The following PDE6B variants were observed in gnomAD, a reference collection of about 807,000 sequenced individuals.
PDE6B encodes the protein rod cGMP-specific 3',5'-cyclic phosphodiesterase subunit beta.
PDE6B carries 106 observed loss-of-function variants against 109.0 expected under a neutral mutation model. The ratio of observed to expected loss-of-function variants is 0.97; its 90% CI spans 0.83 to 1.14. PDE6B has a LOEUF of 1.14. Among genes scored for constraint, PDE6B ranks in the 50% most tolerant of loss-of-function variants. PDE6B has a pLI of 0.00. For missense variants in PDE6B, 1,193 were observed against 1,155.6 expected, an observed-to-expected ratio of 1.03 and a Z score of -0.47; for synonymous variants, 490 against 471.3, an observed-to-expected ratio of 1.04 and a Z score of -0.51.
intron 3 of PDE6B, among the ~76,000 whole-genome samples, chr4:642,614 C>T (rs940150385): frequency 1.3e-5 from 2 of 150,830 alleles, no homozygotes; most frequent in Admixed American, 6.6e-5. Context: ...GGCAACATGG[C>T]GAAACACCAT....
chr4:657,565 G>T, intron 10 of PDE6B, 71 bp downstream of exon 10: 1 of 1,503,808 alleles, frequency 6.6e-7, no homozygotes, highest in East Asian at 2.3e-5. Context: ...GTCGTCCAGG[G>T]GTCACCCAGG....
chr4:654,086 T>G lies in PDE6B; in HGVS notation c.859T>G (p.Phe287Val), dbSNP rs1262918922. The change falls in exon 5 of 22, where the codon TTT becomes GTT. Residue 287 changes from phenylalanine (F) to valine (V), a missense_variant. Phe to Val is a conservative substitution (Grantham distance 50). Transcript: ENST00000496514. ...LLDMTKEKEF[F>V]DVWSVLMGES... ...TCACCTCTTCTCTGCCCAGGAATTT[T>G]TTGACGTGTGGTCTGTGCTGATGGG... 6.2e-7 allele frequency: 1 copy of G among 1,613,822 alleles called. No individual in the cohort carries two copies. Among genetic ancestry groups the G allele is most frequent in the Non-Finnish European group, 8.5e-7 (1 of 1,180,042 alleles).
chr4:631,119 A>T (rs989780772), intron 1 of PDE6B, among the ~76,000 whole-genome samples: 3 of 152,244 alleles, frequency 2.0e-5, no homozygotes, highest in Admixed American at 6.5e-5. Flanking sequence ...CTTAAATCCC[A>T]GGATGGGGAG....
chr4:645,123 C>G (rs1044163214), intron 3 of PDE6B, among the ~76,000 whole-genome samples: 1 of 151,982 alleles, frequency 6.6e-6, no homozygotes, highest in Non-Finnish European at 1.5e-5. Flanking sequence ...ACCCCAGTGT[C>G]TTTGGATTAT....
chr4:670,521 C>T lies in PDE6B; in HGVS notation c.*414C>T, dbSNP rs111404897. 1,347 of 226,098 alleles carry T rather than the reference C, an allele frequency of 6.0e-3. 27 individuals are homozygous for T. The highest frequency in any genetic ancestry group is 0.03 in the African/African-American group (1,284 of 42,794). 14.0% of individuals were successfully genotyped at this position (226,098 alleles called of 1,614,324 possible). On this transcript the variant is annotated 3_prime_UTR_variant, in exon 22 of 22. Coordinates refer to ENST00000496514, the MANE Select transcript of PDE6B (RefSeq NM_000283.4). ...CTTCCTGAAGTGCTGGGATTACAGG[C>T]ATGAGCCACCACGCCCAGCCTGTTT...
rs989737372 is a variant in PDE6B, at chr4:665,828, C to T, written c.2268+499C>T. Among the ~76,000 whole-genome samples the T allele has an allele frequency of 3.9e-5, 6 of 152,196 alleles. No individual in the cohort carries two copies. Among genetic ancestry groups the T allele is most frequent in the Non-Finnish European group, 5.9e-5 (4 of 68,020 alleles). On this transcript the variant is annotated intron_variant, in intron 19 of 21. Transcript: ENST00000496514. This position sits in a 1 kb window ranked among gnomAD's most constrained non-coding sequence, Gnocchi z 4.0. The stretch of plus-strand genomic sequence containing the variant: ...GGCGCCAGGAACAGGAGAGGCAGGG[C>T]TGCCCCAGCCCCACGTGGACCAGGT...
rs1299826925 is a variant in PDE6B, at chr4:656,884, T to A, written c.1118T>A (p.Leu373Gln). The A allele has an allele frequency of 6.2e-7, 1 of 1,612,840 alleles. No homozygotes were observed. Among genetic ancestry groups the A allele is most frequent in the Non-Finnish European group, 8.5e-7 (1 of 1,179,974 alleles). ...ACACCGCTCCCGCAGGAAGGGGCCC[T>A]GGACGACTCCGGGTGGCTCATCAAG... ...DEMFKFQEGA[L>Q]DDSGWLIKNV... Residue 373 changes from leucine (L) to glutamine (Q), a missense_variant, in exon 9 of 22, where the codon CTG becomes CAG. Leu to Gln is a moderately radical substitution (Grantham distance 113, BLOSUM62 -2). Transcript: ENST00000496514.
At chr4:659,164 A>C in intron 11 of PDE6B, 147 bp downstream of exon 11, 1 of 704,722 alleles carries the variant, frequency 1.4e-6, no homozygotes, top group Non-Finnish European at 2.6e-6. Context: ...TGTGTATCTA[A>C]GCACCTTAGT....
rs1050898833 is a variant in PDE6B at position 666,677 on chromosome 4, C to T, written c.2352+63C>T. ...GGGTGGCTGGGAGCAGGCAAGGGGGCGCGGGCTGGAGTCGCGTGGACTCAC... is the reference window on the plus strand; with the variant it reads ...GGGTGGCTGGGAGCAGGCAAGGGGGTGCGGGCTGGAGTCGCGTGGACTCAC... On this transcript the variant is annotated intron_variant, in intron 20 of 21. Coordinates refer to ENST00000496514, the MANE Select transcript of PDE6B (RefSeq NM_000283.4). The surrounding 1 kb of genome is among the most constrained non-coding windows in gnomAD (Gnocchi z 5.6). 21 of 1,135,530 alleles carry T rather than the reference C, an allele frequency of 1.8e-5. No homozygotes were observed. The East Asian group carries it at 2.6e-4, about 14-fold the overall frequency. The allele number at this position is 1,135,530 out of a possible 1,614,324, so 70.3% of individuals were successfully genotyped here.
intron 3 of PDE6B, among the ~76,000 whole-genome samples, chr4:639,881 G>T (rs544945991): frequency 6.6e-6 from 1 of 152,160 alleles, no homozygotes; most frequent in Non-Finnish European, 1.5e-5. Flanking sequence ...TGAGGCAGGA[G>T]AATCGCTTGA....
intron 2 of PDE6B, among the ~76,000 whole-genome samples, chr4:635,341 ACCTG>A (rs1250629795): frequency 4.0e-5 from 3 of 74,828 alleles, no homozygotes; most frequent in East Asian, 4.3e-4. Context: ...CCACCTCCTT[ACCTG>A]CCTGCCTGCC....
Position 626,094 on chromosome 4 carries a change from G to C in PDE6B, c.468G>C (p.Glu156Asp), listed in dbSNP as rs1245162728. The C allele has an allele frequency of 1.3e-6, 2 of 1,562,656 alleles. No individual in the cohort carries two copies. The highest frequency in any genetic ancestry group is 1.4e-5 in the African/African-American group (1 of 74,040). ...TGGTGAACGTCGAGGACGTGGCCGAGGTGGGTCTGTGCGGAGCCTCAGGGA... is the reference window on the plus strand; with the variant it reads ...TGGTGAACGTCGAGGACGTGGCCGACGTGGGTCTGTGCGGAGCCTCAGGGA... ...KKMVNVEDVA[E>D]CPHFSSFADE... The change falls in exon 1 of 22, where the codon GAG becomes GAC. Residue 156 changes from glutamate (E) to aspartate (D), a missense_variant and splice_region_variant. Physicochemically the swap from Glu to Asp is conservative, Grantham distance 45 (BLOSUM62 2). Coordinates refer to ENST00000496514, the MANE Select transcript of PDE6B (RefSeq NM_000283.4). This position sits in a 1 kb window ranked among gnomAD's most constrained non-coding sequence, Gnocchi z 4.6.
intron 9 of PDE6B, 131 bp from the exon 10 acceptor site, chr4:657,220 C>T: frequency 6.6e-6 from 8 of 1,208,384 alleles, no homozygotes; most frequent in African/African-American, 1.5e-5. Flanking sequence ...GGAGACCCCA[C>T]ACAGAAGCAC....
chr4:654,383 A>G (rs1345759508), intron 5 of PDE6B: 4 of 665,300 alleles, frequency 6.0e-6, no homozygotes, highest in Non-Finnish European at 1.1e-5. Flanking sequence ...CTGGTCGTGA[A>G]GACCCACGTC....
In PDE6B at chr4:663,333, C is replaced by T. The variant is rs540060163; in HGVS notation, c.1920+146C>T. On this transcript the variant is annotated intron_variant, in intron 15 of 21. Transcript: ENST00000496514. The surrounding 1 kb of genome is among the most constrained non-coding windows in gnomAD (Gnocchi z 4.0). ...CACTGGGGGAGGGCGGCAGAGAAGG[C>T]GGAGGGCCGAGGCTGAGGGCAGGTG... 3.0e-6 allele frequency: 2 copies of T among 677,496 alleles called. No homozygotes were observed. The highest frequency in any genetic ancestry group is 3.2e-5 in the South Asian group (2 of 63,004). The allele number at this position is 677,496 out of a possible 1,614,324, so 42.0% of individuals were successfully genotyped here.
rs776399556 is a variant in PDE6B at position 665,350 on chromosome 4, C to T, written c.2268+21C>T. On this transcript the variant is annotated intron_variant, in intron 19 of 21. Transcript: ENST00000496514. The surrounding 1 kb of genome is among the most constrained non-coding windows in gnomAD (Gnocchi z 4.0). ...CCATTGTGAGTGCTGCTTCTGGAACCTTCCACTCCTGAAACGGGTGTTAGA... is the reference window on the plus strand; with the variant it reads ...CCATTGTGAGTGCTGCTTCTGGAACTTTCCACTCCTGAAACGGGTGTTAGA... The T allele has an allele frequency of 2.6e-6, 4 of 1,557,444 alleles. No homozygotes were observed. The East Asian group carries it at 6.7e-5, about 26-fold the overall frequency.
chr4:662,768 T>A lies in PDE6B; in HGVS notation c.1832+150T>A. ...ACTGTGGGAGGCCAAGGCGAGGGGA[T>A]TGCTTGAGCCCAGGAGTTCGAGACC... On this transcript the variant is annotated intron_variant, in intron 14 of 21. Transcript: ENST00000496514. This position sits in a 1 kb window ranked among gnomAD's most constrained non-coding sequence, Gnocchi z 4.3. The A allele has an allele frequency of 2.9e-6, 2 of 694,330 alleles. No individual in the cohort carries two copies. The highest frequency in any genetic ancestry group is 1.5e-5 in the South Asian group (1 of 66,466). 43.0% of individuals were successfully genotyped at this position (694,330 alleles called of 1,614,324 possible). A position where few individuals can be genotyped will look rare whatever the true frequency, so the allele number is the denominator to read the frequency against.
chr4:626,139 T>TGGG lies in PDE6B; in HGVS notation c.468+46_468+47insGGG, dbSNP rs1327579315. The TGGG allele has an allele frequency of 3.4e-6, 4 of 1,186,734 alleles. No individual in the cohort carries two copies. The African/African-American group carries it at 4.5e-5, about 13-fold the overall frequency. 73.5% of individuals were successfully genotyped at this position (1,186,734 alleles called of 1,614,324 possible). On this transcript the variant is annotated intron_variant, in intron 1 of 21. Transcript: ENST00000496514. The surrounding 1 kb of genome is among the most constrained non-coding windows in gnomAD (Gnocchi z 4.6). ...CAGGGAGGCGGCTGTGTGCATCTCT[T>TGGG]GCACCTGTCCCAGGTGTCTAAGGGT...
intron 1 of PDE6B, among the ~76,000 whole-genome samples, chr4:627,179 C>T (rs1388252685): frequency 2.0e-5 from 3 of 150,392 alleles, no homozygotes; most frequent in African/African-American, 7.4e-5. Flanking sequence ...CAGAGTCTTG[C>T]TCTGTCACCA....
Sources: allele counts gnomAD v4.1 joint callset (sites outside exome capture counted in the v4.1 genomes callset), GRCh38; gene constraint gnomAD v4.1.1; non-coding constraint Gnocchi (gnomAD v3.1); transcripts MANE v1.5; gene names NCBI Gene and HGNC (gene_info 2026-07-23, HGNC 2026-07-21).